The following ZDHHC20 variants were observed in gnomAD, a reference collection of about 807,000 sequenced individuals.
The protein encoded by ZDHHC20 is palmitoyltransferase ZDHHC20.
A neutral mutation model predicts 57.8 loss-of-function variants in ZDHHC20; 43 were observed. That is an observed-to-expected ratio of 0.74 (90% CI 0.58 to 0.96). The LOEUF (loss-of-function observed/expected upper bound fraction) is 0.96, where lower values mean the gene tolerates loss of function less well. Among genes scored for constraint, ZDHHC20 ranks in the 40% least tolerant of loss-of-function variants. The pLI, the probability that ZDHHC20 is intolerant of heterozygous loss-of-function variation, is 0.00. For synonymous variants in ZDHHC20, 157 were observed against 153.0 expected, an observed-to-expected ratio of 1.03 and a Z score of -0.19; for missense variants, 391 against 441.1, an observed-to-expected ratio of 0.89 and a Z score of 1.02.
intron 1 of ZDHHC20, among the ~76,000 whole-genome samples, chr13:21,426,883 C>A (rs1224649510): frequency 2.0e-5 from 3 of 152,218 alleles, no homozygotes; most frequent in Admixed American, 1.3e-4. Flanking sequence ...GTTGGAATTA[C>A]AGGCATGAGC....
chr13:21,423,319 C>T (rs905136018), intron 2 of ZDHHC20, among the ~76,000 whole-genome samples: 20 of 152,198 alleles, frequency 1.3e-4, no homozygotes, highest in Admixed American at 1.3e-3. Context: ...TTCTCAAAAT[C>T]TGCTCTCTCT....
rs180947083 is a variant in ZDHHC20, at chr13:21,389,399, C to A, written c.728-1765G>T. Among the ~76,000 whole-genome samples, 24 of 152,146 alleles carry A rather than the reference C, an allele frequency of 1.6e-4. No individual in the cohort carries two copies. In the East Asian group the frequency reaches 4.1e-3, roughly 26 times the overall value. On this transcript the variant is annotated intron_variant, in intron 8 of 12. Transcript: ENST00000400590. The stretch of plus-strand genomic sequence containing the variant: ...CATAATCAACTGAGTGACTTGCAAC[C>A]CGCATTTCCTTTTAAGAAACTAGAA...
chr13:21,413,470 AT>A, intron 4 of ZDHHC20, among the ~76,000 whole-genome samples, 181 bp downstream of exon 4: 1 of 145,454 alleles, frequency 6.9e-6, no homozygotes, highest in Non-Finnish European at 1.5e-5. Context: ...ATTGATTATT[AT>A]TTTTATATAT....
chr13:21,455,471 G>A (rs1327850644), intron 1 of ZDHHC20, among the ~76,000 whole-genome samples: 3 of 151,542 alleles, frequency 2.0e-5, no homozygotes, highest in African/African-American at 7.3e-5. Context: ...TCAACCCTGG[G>A]GAAAAAAAAT....
intron 1 of ZDHHC20, among the ~76,000 whole-genome samples, chr13:21,451,706 T>C (rs755100839): frequency 6.6e-6 from 1 of 152,082 alleles, no homozygotes; most frequent in African/African-American, 2.4e-5. Flanking sequence ...AGACCACTTA[T>C]TGGCCGGGCA....
chr13:21,419,047 AT>A (rs1301841075), intron 3 of ZDHHC20, among the ~76,000 whole-genome samples: 1 of 152,054 alleles, frequency 6.6e-6, no homozygotes, highest in Non-Finnish European at 1.5e-5. Context: ...TCTATTTCTT[AT>A]TTCCTGAAAT....
At chr13:21,421,632 G>C (rs969139179) in intron 2 of ZDHHC20, among the ~76,000 whole-genome samples, 2 of 152,150 alleles carry the variant, frequency 1.3e-5, no homozygotes, top group Non-Finnish European at 2.9e-5. Flanking sequence ...TTCAGAAAAA[G>C]TGACCTAAAT....
intron 9 of ZDHHC20, among the ~76,000 whole-genome samples, chr13:21,386,793 C>A (rs1874593061): frequency 2.0e-5 from 3 of 152,208 alleles, no homozygotes; most frequent in Admixed American, 2.0e-4. Flanking sequence ...AAGTGATTCA[C>A]CTGCCTCGGC....
Position 21,391,781 on chromosome 13 carries a change from C to T in ZDHHC20, c.668G>A (p.Ser223Asn). Residue 223 changes from serine (S) to asparagine (N), a missense_variant, in exon 8 of 13, where the codon AGC becomes AAC. Physicochemically the swap from Ser to Asn is conservative, Grantham distance 46. This residue lies in a region of ZDHHC20 where 197 missense variants were observed against 220.8 expected (regional missense o/e 0.89). Coordinates refer to ENST00000400590, the MANE Select transcript of ZDHHC20 (RefSeq NM_001330059.2). The stretch of plus-strand genomic sequence containing the variant: ...GTGGTAGCTGAAAAGTGAGAGGACG[C>T]TGATGAAGAACATTGCAGACACAAA... Reference protein sequence around the residue: ...LFFVSAMFFISVLSLFSYHCW... With the variant: ...LFFVSAMFFINVLSLFSYHCW... The T allele has an allele frequency of 6.2e-7, 1 of 1,613,120 alleles. No homozygotes were observed. The highest frequency in any genetic ancestry group is 8.5e-7 in the Non-Finnish European group (1 of 1,179,720).
At chr13:21,427,850 A>AAC (rs1229526884) in intron 1 of ZDHHC20, among the ~76,000 whole-genome samples, 1 of 151,658 alleles carries the variant, frequency 6.6e-6, no homozygotes, top group Non-Finnish European at 1.5e-5. Flanking sequence ...AAAAAAAAAA[A>AAC]AAAAACCAAA....
chr13:21,430,181 C>T (rs1443445445), intron 1 of ZDHHC20, among the ~76,000 whole-genome samples: 1 of 152,010 alleles, frequency 6.6e-6, no homozygotes, highest in Non-Finnish European at 1.5e-5. Context: ...GACTCTAGAT[C>T]TTATTTAAAT....
intron 1 of ZDHHC20, among the ~76,000 whole-genome samples, chr13:21,433,298 C>T (rs1345526893): frequency 1.3e-5 from 2 of 151,874 alleles, no homozygotes; most frequent in Non-Finnish European, 2.9e-5. Context: ...AAATTTTAAA[C>T]TCATCTTATT....
Position 21,372,891 on chromosome 13 carries a change from T to TA in ZDHHC20, c.*3804dup, listed in dbSNP as rs1240715987. ...ATTTGCAGTCATGTACAAATATACC[T>TA]AATAGCTTTCTTCATCTTTTAATAC... On this transcript the variant is annotated 3_prime_UTR_variant, in exon 13 of 13. Coordinates refer to ENST00000400590, the MANE Select transcript of ZDHHC20 (RefSeq NM_001330059.2). 1 of 152,222 alleles carries TA rather than the reference T, an allele frequency of 6.6e-6. No individual in the cohort carries two copies. The highest frequency in any genetic ancestry group is 1.5e-5 in the Non-Finnish European group (1 of 68,014). The allele number at this position is 152,222 out of a possible 1,614,324, so 9.4% of individuals were successfully genotyped here. A position where few individuals can be genotyped will look rare whatever the true frequency, so the allele number is the denominator to read the frequency against.
intron 12 of ZDHHC20, among the ~76,000 whole-genome samples, chr13:21,378,262 C>T (rs1872598290): frequency 6.6e-6 from 1 of 152,000 alleles, no homozygotes; most frequent in Non-Finnish European, 1.5e-5. Flanking sequence ...ATTTAAGTAT[C>T]TGACCCAGGC....
At chr13:21,435,310 A>G (rs1320040565) in intron 1 of ZDHHC20, among the ~76,000 whole-genome samples, 1 of 152,088 alleles carries the variant, frequency 6.6e-6, no homozygotes, top group African/African-American at 2.4e-5. Context: ...TCATCCACCC[A>G]TATTTTCTTC....
At chr13:21,387,693 T>A in intron 8 of ZDHHC20, 59 bp from the exon 9 acceptor site, 1 of 1,102,924 alleles carries the variant, frequency 9.1e-7, no homozygotes, top group Non-Finnish European at 1.2e-6. Flanking sequence ...ATAGGAGGGA[T>A]GGAAATTACC....
chr13:21,434,495 A>T (rs1882342000), intron 1 of ZDHHC20, among the ~76,000 whole-genome samples: 1 of 152,254 alleles, frequency 6.6e-6, no homozygotes, highest in Non-Finnish European at 1.5e-5. Context: ...GGTCCACAAG[A>T]AAATAAATAT....
intron 1 of ZDHHC20, among the ~76,000 whole-genome samples, chr13:21,456,117 T>C (rs964585558): frequency 1.3e-5 from 2 of 152,096 alleles, no homozygotes; most frequent in Admixed American, 1.3e-4. Context: ...TCTAAGAATA[T>C]CCTATAGGCC....
At chr13:21,451,136 T>C (rs564912246) in intron 1 of ZDHHC20, among the ~76,000 whole-genome samples, 3 of 152,294 alleles carry the variant, frequency 2.0e-5, no homozygotes, top group East Asian at 3.9e-4. Context: ...TTTAGGGAAA[T>C]AGGTTTTTTA....
Sources: gnomAD v4.1 joint callset for allele counts (sites outside exome capture counted in the v4.1 genomes callset) on GRCh38, gnomAD v4.1.1 for gene constraint, gnomAD v4.1.1 regional missense constraint, MANE v1.5 for transcripts, NCBI Gene and HGNC (gene_info 2026-07-23, HGNC 2026-07-21) for gene names.